Variants in ROBO2 observed in about 807,000 individuals in gnomAD.
ROBO2 encodes the protein roundabout homolog 2.
A neutral mutation model predicts 160.8 loss-of-function variants in ROBO2; 53 were observed. The observed-to-expected ratio is 0.33, with a 90% CI of 0.26 to 0.41. ROBO2 has a LOEUF of 0.41. Among genes scored for constraint, ROBO2 ranks in the 10% least tolerant of loss-of-function variants. The probability of loss-of-function intolerance (pLI) is 1.00; values close to 1 mark genes in which losing one functional copy is unlikely to be tolerated. For synonymous variants in ROBO2, 664 were observed against 611.7 expected (o/e 1.09, Z -1.26); for missense variants, 1,577 against 1,722.4 (o/e 0.92, Z 1.49).
intron 2 of ROBO2, among the ~76,000 whole-genome samples, chr3:76,531,884 C>T (rs1000986453): frequency 9.9e-5 from 15 of 152,116 alleles, no homozygotes; most frequent in Middle Eastern, 3.4e-3. Context: ...TAATTCTTCC[C>T]CAACTCCCAA....
In ROBO2 at chr3:77,068,832, G is replaced by A. The variant is rs540511331; in HGVS notation, c.61+27986G>A. 2.6e-5 allele frequency among the ~76,000 whole-genome samples: 4 copies of A among 152,150 alleles called. No homozygotes were observed. In the East Asian group the frequency reaches 7.7e-4, roughly 29 times the overall value. Reference sequence around the variant, plus strand: ...GAACATATTATCTAAAATAAAGGTGGGCACACTGCAGCCTCTGGACTGCTG... The same window carrying A: ...GAACATATTATCTAAAATAAAGGTGAGCACACTGCAGCCTCTGGACTGCTG... On this transcript the variant is annotated intron_variant, in intron 1 of 25. Coordinates refer to ENST00000461745, the Ensembl canonical transcript of ROBO2.
At chr3:77,517,746 C>T (rs1445786357) in intron 5 of ROBO2, among the ~76,000 whole-genome samples, 1 of 151,440 alleles carries the variant, frequency 6.6e-6, no homozygotes, top group Non-Finnish European at 1.5e-5. Flanking sequence ...TTCTGAGTAA[C>T]ATGATGAAAG....
At chr3:76,304,801 T>TC in intron 2 of ROBO2, among the ~76,000 whole-genome samples, 2 of 150,396 alleles carry the variant, frequency 1.3e-5, no homozygotes. Context: ...TTTCTTTCTC[T>TC]TTCTTTTTTT....
chr3:76,689,562 C>T (rs986218529), intron 2 of ROBO2, among the ~76,000 whole-genome samples: 1 of 152,048 alleles, frequency 6.6e-6, no homozygotes, highest in Non-Finnish European at 1.5e-5. Context: ...CCTACTTCTG[C>T]ACACAAACTT....
At chr3:76,228,330 G>T (rs901531197) in intron 2 of ROBO2, among the ~76,000 whole-genome samples, 1 of 152,148 alleles carries the variant, frequency 6.6e-6, no homozygotes, top group Non-Finnish European at 1.5e-5. Context: ...AGGCAACCCA[G>T]AGACAGTACC....
At chr3:76,274,024 G>T (rs1297378452) in intron 2 of ROBO2, among the ~76,000 whole-genome samples, 1 of 152,144 alleles carries the variant, frequency 6.6e-6, no homozygotes, top group Non-Finnish European at 1.5e-5. Flanking sequence ...GCACTCCCAT[G>T]TAGAGGTACC....
chr3:77,080,575 C>T (rs1171202725), intron 1 of ROBO2, among the ~76,000 whole-genome samples: 1 of 152,054 alleles, frequency 6.6e-6, no homozygotes, highest in East Asian at 1.9e-4. Flanking sequence ...TTATCAATGC[C>T]ATAATGTTAA....
intron 1 of ROBO2, among the ~76,000 whole-genome samples, chr3:75,924,925 T>A (rs939608481): frequency 5.9e-5 from 9 of 151,784 alleles, no homozygotes; most frequent in African/African-American, 2.2e-4. Flanking sequence ...CCTGACCTCG[T>A]GATCCGCCCG....
chr3:77,289,030 T>G (rs923244651), intron 2 of ROBO2, among the ~76,000 whole-genome samples: 4 of 152,206 alleles, frequency 2.6e-5, no homozygotes, highest in Non-Finnish European at 5.9e-5. Context: ...TTTGTTTCTG[T>G]GTGTTTGTTC....
chr3:76,554,481 T>C (rs925955493), intron 2 of ROBO2, among the ~76,000 whole-genome samples: 2 of 152,228 alleles, frequency 1.3e-5, no homozygotes, highest in African/African-American at 4.8e-5. Flanking sequence ...TCCTAACATA[T>C]GCTTTTGCTT....
intron 2 of ROBO2, among the ~76,000 whole-genome samples, chr3:76,000,328 A>G (rs1013861931): frequency 1.3e-5 from 2 of 152,168 alleles, no homozygotes; most frequent in East Asian, 1.9e-4. Context: ...CACGGGACCC[A>G]TAAAAATTGT....
intron 2 of ROBO2, among the ~76,000 whole-genome samples, chr3:76,764,847 A>G (rs568608941): frequency 1.1e-3 from 161 of 151,484 alleles, no homozygotes; most frequent in African/African-American, 3.6e-3. Flanking sequence ...ACTATTTCCA[A>G]CTCTATGCAT....
At chr3:76,668,363 C>T (rs890561037) in intron 2 of ROBO2, among the ~76,000 whole-genome samples, 2 of 152,108 alleles carry the variant, frequency 1.3e-5, no homozygotes, top group Non-Finnish European at 2.9e-5. Flanking sequence ...CCACCTCAGC[C>T]TCCCAAAGTA....
intron 2 of ROBO2, among the ~76,000 whole-genome samples, chr3:76,564,883 A>T (rs1359004508): frequency 3.3e-5 from 5 of 152,156 alleles, no homozygotes; most frequent in Admixed American, 6.5e-5. Context: ...ACACATGTTT[A>T]ATGTTTGCTT....
chr3:76,239,992 G>A (rs976885952), intron 2 of ROBO2, among the ~76,000 whole-genome samples: 5 of 152,134 alleles, frequency 3.3e-5, no homozygotes, highest in African/African-American at 9.7e-5. Context: ...CATGGTACAC[G>A]ATGAGAAAAG....
chr3:76,833,315 G>A (rs1440116123), intron 2 of ROBO2, among the ~76,000 whole-genome samples: 1 of 152,060 alleles, frequency 6.6e-6, no homozygotes, highest in Non-Finnish European at 1.5e-5. Context: ...ACAACTATTG[G>A]TGGCATCACA....
In ROBO2 at chr3:77,002,102, AT is replaced by A. The variant is rs563668245; in HGVS notation, c.110-95909del. 5.9e-5 allele frequency among the ~76,000 whole-genome samples: 9 copies of A among 152,248 alleles called. 1 individual carries two copies. The South Asian group carries it at 1.9e-3, about 32-fold the overall frequency. ...TGCATGAATTTACCTTTTAAAATAAATTTAACCTTTCAGTCACATTAACATT... is the reference window on the plus strand; with the variant it reads ...TGCATGAATTTACCTTTTAAAATAAATTAACCTTTCAGTCACATTAACATT... On this transcript the variant is annotated intron_variant, in intron 2 of 26. Transcript: ENST00000487694.
intron 2 of ROBO2, among the ~76,000 whole-genome samples, chr3:77,381,903 G>C (rs957579568): frequency 6.6e-6 from 1 of 152,074 alleles, no homozygotes; most frequent in Non-Finnish European, 1.5e-5. Flanking sequence ...GGGGTGAGGG[G>C]CTATGTGAAA....
intron 2 of ROBO2, among the ~76,000 whole-genome samples, chr3:76,650,198 A>G (rs1365223993): frequency 2.0e-5 from 3 of 152,156 alleles, no homozygotes; most frequent in Admixed American, 6.5e-5. Context: ...CACAAAAAAT[A>G]AAAAACTGAA....
Sources: gnomAD v4.1 joint callset for allele counts (sites outside exome capture counted in the v4.1 genomes callset) on GRCh38, gnomAD v4.1.1 for gene constraint, MANE v1.5 for transcripts, NCBI Gene and HGNC (gene_info 2026-07-23, HGNC 2026-07-21) for gene names.